SPAG9: variants seen among roughly 807,000 people sequenced by gnomAD.
SPAG9 encodes C-Jun-amino-terminal kinase-interacting protein 4.
In SPAG9, 35 loss-of-function variants were observed where a neutral mutation model predicts 166.5. That is an observed-to-expected ratio of 0.21 (90% CI 0.16 to 0.28). The LOEUF (loss-of-function observed/expected upper bound fraction) is 0.28. Among genes scored for constraint, SPAG9 ranks in the 10% least tolerant of loss-of-function variants. SPAG9 has a pLI of 1.00. For missense variants in SPAG9, 1,235 were observed against 1,603.3 expected, an observed-to-expected ratio of 0.77 and a Z score of 3.92; for synonymous variants, 534 against 565.5, an observed-to-expected ratio of 0.94 and a Z score of 0.79.
intron 12 of SPAG9, among the ~76,000 whole-genome samples, chr17:51,002,261 C>T (rs373043687): frequency 5.3e-5 from 8 of 152,186 alleles, no homozygotes; most frequent in African/African-American, 1.9e-4. Flanking sequence ...TAGTGGTGCT[C>T]CTGCCTCAGC....
intron 1 of SPAG9, among the ~76,000 whole-genome samples, chr17:51,095,288 T>C (rs1598171206): frequency 1.8e-5 from 2 of 108,912 alleles, no homozygotes; most frequent in African/African-American, 3.9e-5. Flanking sequence ...AGAGTGAGAC[T>C]CCATCTTTAA....
intron 1 of SPAG9, among the ~76,000 whole-genome samples, chr17:51,099,770 A>C (rs1392198473): frequency 9.4e-5 from 14 of 149,442 alleles, no homozygotes; most frequent in African/African-American, 1.9e-4. Context: ...AAAAAAAAAA[A>C]AAAAAAAAAA....
At chr17:50,990,085 C>T (rs1405311663) in intron 20 of SPAG9, 10 of 575,990 alleles carry the variant, frequency 1.7e-5, no homozygotes, top group South Asian at 4.1e-5. Flanking sequence ...TGGAGTGCGG[C>T]GGCGTGATCT....
intron 8 of SPAG9, among the ~76,000 whole-genome samples, chr17:51,019,750 G>T (rs2045862646): frequency 6.6e-6 from 1 of 152,058 alleles, no homozygotes; most frequent in South Asian, 2.1e-4. Flanking sequence ...AACTAGGGAG[G>T]CTGAGGGAGG....
At chr17:51,039,949 T>C (rs754732251) in intron 5 of SPAG9, among the ~76,000 whole-genome samples, 1 of 151,324 alleles carries the variant, frequency 6.6e-6, no homozygotes, top group Admixed American at 6.6e-5. Context: ...AAAGAGAGAG[T>C]TGCAGCCAGG....
At chr17:51,017,849 C>G (rs192232625) in intron 8 of SPAG9, among the ~76,000 whole-genome samples, 8 of 152,172 alleles carry the variant, frequency 5.3e-5, no homozygotes, top group Admixed American at 4.6e-4. Flanking sequence ...ACCTAAGATT[C>G]AAATCCAAGA....
At position 51,034,541 on chromosome 17, in the gene SPAG9, A is replaced by C. The variant is rs139815328; in HGVS notation, c.742-2819T>G. Among the ~76,000 whole-genome samples, 392 of 152,346 alleles carry C rather than the reference A, an allele frequency of 2.6e-3. 1 individual carries two copies. Among genetic ancestry groups the C allele is most frequent in the African/African-American group, 9.2e-3 (381 of 41,576 alleles). ...CAATGTCCAAAGCTAGAAAAATTTG[A>C]GAAACCAAAGAAATGATAGGTTCGC... On this transcript the variant is annotated intron_variant, in intron 5 of 29. Coordinates refer to ENST00000262013, the MANE Select transcript of SPAG9 (RefSeq NM_001130528.3).
At chr17:51,087,741 A>G (rs2144672342) in intron 1 of SPAG9, among the ~76,000 whole-genome samples, 1 of 152,022 alleles carries the variant, frequency 6.6e-6, no homozygotes, top group Admixed American at 6.6e-5. Flanking sequence ...ATTTTCATTT[A>G]CTTATTTTTT....
At position 51,097,562 on chromosome 17, in the gene SPAG9, T is replaced by C. The variant is rs148332501; in HGVS notation, c.304-17858A>G. 7.2e-5 allele frequency among the ~76,000 whole-genome samples: 11 copies of C among 151,958 alleles called. No homozygotes were observed. The East Asian group carries it at 2.1e-3, about 29-fold the overall frequency. On this transcript the variant is annotated intron_variant, in intron 1 of 29. Coordinates refer to ENST00000262013, the MANE Select transcript of SPAG9 (RefSeq NM_001130528.3). ...TCTACATTATATACACACACACACA[T>C]ATACATATATATGTACATATATATA...
At chr17:50,982,767 T>C (rs1165992687) in intron 24 of SPAG9, 95 bp from the exon 25 acceptor site, 1 of 1,156,206 alleles carries the variant, frequency 8.6e-7, no homozygotes, top group Non-Finnish European at 1.2e-6. Context: ...TTAAATTTAT[T>C]GAGGAAGCAC....
intron 1 of SPAG9, among the ~76,000 whole-genome samples, chr17:51,096,421 A>T (rs1598174830): frequency 6.6e-6 from 1 of 152,230 alleles, no homozygotes; most frequent in East Asian, 1.9e-4. Context: ...GAAACCAAAA[A>T]GTCTGATAGT....
intron 1 of SPAG9, among the ~76,000 whole-genome samples, chr17:51,090,342 A>C (rs2048432149): frequency 6.6e-6 from 1 of 152,072 alleles, no homozygotes; most frequent in South Asian, 2.1e-4. Context: ...CCAACATGGC[A>C]AAACCCCATC....
At chr17:51,101,302 C>T (rs922045418) in intron 1 of SPAG9, among the ~76,000 whole-genome samples, 6 of 142,576 alleles carry the variant, frequency 4.2e-5, no homozygotes, top group Non-Finnish European at 9.0e-5. Flanking sequence ...GCCGAGATCG[C>T]ACTACTGCAC....
intron 17 of SPAG9, 92 bp from the exon 18 acceptor site, chr17:50,995,316 C>A: frequency 7.7e-7 from 1 of 1,305,316 alleles, no homozygotes; most frequent in Non-Finnish European, 1.1e-6. Context: ...AAATACAGGT[C>A]TTATAACCTA....
chr17:51,066,619 G>GT (rs1028010267), intron 2 of SPAG9, among the ~76,000 whole-genome samples: 35 of 148,492 alleles, frequency 2.4e-4, no homozygotes, highest in African/African-American at 8.3e-4. Context: ...CACTTTGGGA[G>GT]GCCAAGGTGG....
At chr17:51,064,011 A>C (rs1036978794) in intron 2 of SPAG9, among the ~76,000 whole-genome samples, 1 of 152,238 alleles carries the variant, frequency 6.6e-6, no homozygotes, top group Non-Finnish European at 1.5e-5. Flanking sequence ...TTAGACGTTA[A>C]GTATTATCCT....
At chr17:51,076,930 G>C (rs549828492) in intron 2 of SPAG9, among the ~76,000 whole-genome samples, 53 of 151,964 alleles carry the variant, frequency 3.5e-4, no homozygotes, top group Non-Finnish European at 6.9e-4. Flanking sequence ...AAGCCCAGAA[G>C]TGCGAGACCA....
chr17:51,044,962 AT>A (rs1202842315), intron 4 of SPAG9, among the ~76,000 whole-genome samples: 2 of 152,272 alleles, frequency 1.3e-5, no homozygotes, highest in Non-Finnish European at 2.9e-5. Context: ...TCTGCTAAAA[AT>A]GGACACATAT....
chr17:51,113,991 T>A (rs2049205014), intron 1 of SPAG9, among the ~76,000 whole-genome samples: 1 of 151,476 alleles, frequency 6.6e-6, no homozygotes, highest in Non-Finnish European at 1.5e-5. Context: ...TGAGATCTCG[T>A]CTCAATCAAT....
Sources: allele counts gnomAD v4.1 joint callset (sites outside exome capture counted in the v4.1 genomes callset), GRCh38; gene constraint gnomAD v4.1.1; transcripts MANE v1.5; gene names NCBI Gene and HGNC (gene_info 2026-07-23, HGNC 2026-07-21).